The following SPIN1 variants were observed in gnomAD, a reference collection of about 807,000 sequenced individuals.
The protein encoded by SPIN1 is spindlin 1.
A neutral mutation model predicts 26.0 loss-of-function variants in SPIN1; 3 were observed. The ratio of observed to expected loss-of-function variants is 0.12; its 90% CI spans 0.05 to 0.30. The LOEUF (loss-of-function observed/expected upper bound fraction) is 0.30, where lower values mean the gene tolerates loss of function less well. Among genes scored for constraint, SPIN1 ranks in the 10% least tolerant of loss-of-function variants. SPIN1 has a pLI of 1.00. For missense variants in SPIN1, 126 were observed against 333.4 expected (o/e 0.38, Z 4.84); for synonymous variants, 101 against 116.5 (o/e 0.87, Z 0.86).
At chr9:88,442,896 C>T (rs1828165282) in intron 2 of SPIN1, among the ~76,000 whole-genome samples, 1 of 151,480 alleles carries the variant, frequency 6.6e-6, no homozygotes, top group Non-Finnish European at 1.5e-5. Flanking sequence ...CTGAGGCGGG[C>T]AAATCACGAG....
At chr9:88,420,146 C>T (rs951588775) in intron 1 of SPIN1, among the ~76,000 whole-genome samples, 29 of 152,166 alleles carry the variant, frequency 1.9e-4, no homozygotes, top group African/African-American at 6.5e-4. Flanking sequence ...GAGGCCGAGG[C>T]GGGTGGATCA....
chr9:88,401,415 A>G (rs993755140), intron 1 of SPIN1, among the ~76,000 whole-genome samples: 14 of 152,074 alleles, frequency 9.2e-5, no homozygotes, highest in African/African-American at 3.1e-4. Flanking sequence ...TCCAGGACCC[A>G]CACTCCGCCT....
intron 2 of SPIN1, among the ~76,000 whole-genome samples, chr9:88,430,158 A>T (rs1418202111): frequency 6.6e-6 from 1 of 152,224 alleles, no homozygotes; most frequent in Non-Finnish European, 1.5e-5. Flanking sequence ...CTCAGGCAGC[A>T]AGAAGCCCAG....
At chr9:88,448,157 C>G (rs1828287960) in intron 2 of SPIN1, among the ~76,000 whole-genome samples, 1 of 151,980 alleles carries the variant, frequency 6.6e-6, no homozygotes, top group African/African-American at 2.4e-5. Context: ...GATCTTCCCA[C>G]CTCAGCCTCC....
At chr9:88,436,754 CTTTTTTT>C (rs776223657) in intron 2 of SPIN1, among the ~76,000 whole-genome samples, 6 of 98,792 alleles carry the variant, frequency 6.1e-5, no homozygotes, top group Middle Eastern at 6.4e-3. Flanking sequence ...TCCTCTGTGT[CTTTTTTT>C]TTTTTTTTTT....
At chr9:88,434,931 A>C (rs1827969476) in intron 2 of SPIN1, among the ~76,000 whole-genome samples, 1 of 151,992 alleles carries the variant, frequency 6.6e-6, no homozygotes, top group Non-Finnish European at 1.5e-5. Flanking sequence ...GGGTGCCTGT[A>C]ATCCCCACTA....
chr9:88,456,145 C>T lies in SPIN1; in HGVS notation c.102-6351C>T, dbSNP rs551790413. ...TGGACTCACGGAACAATGGAAACTCCACATGGTAAGGCTTTGGACAGATAT... is the reference window on the plus strand; with the variant it reads ...TGGACTCACGGAACAATGGAAACTCTACATGGTAAGGCTTTGGACAGATAT... On this transcript the variant is annotated intron_variant, in intron 3 of 5. Transcript: ENST00000375859. Among the ~76,000 whole-genome samples the T allele has an allele frequency of 9.2e-5, 14 of 152,232 alleles. 1 individual carries two copies. The East Asian group carries it at 2.7e-3, about 29-fold the overall frequency.
At chr9:88,392,469 A>C (rs931230004) in intron 1 of SPIN1, among the ~76,000 whole-genome samples, 2 of 152,150 alleles carry the variant, frequency 1.3e-5, no homozygotes, top group Non-Finnish European at 2.9e-5. Flanking sequence ...TGGGAGAAGA[A>C]AGACATCTGG....
intron 1 of SPIN1, among the ~76,000 whole-genome samples, chr9:88,424,168 C>T (rs1322887668): frequency 2.0e-5 from 3 of 152,056 alleles, no homozygotes; most frequent in Non-Finnish European, 4.4e-5. Flanking sequence ...TTGAATGTGG[C>T]TCAGAGATAT....
intron 1 of SPIN1, chr9:88,410,877 A>G: frequency 1.0e-6 from 1 of 955,238 alleles, no homozygotes; most frequent in East Asian, 2.4e-5. Flanking sequence ...AGAATCACTT[A>G]GCTTCTTTGG....
intron 5 of SPIN1, among the ~76,000 whole-genome samples, chr9:88,474,342 G>T (rs1395927699): frequency 6.6e-6 from 1 of 152,078 alleles, no homozygotes; most frequent in Non-Finnish European, 1.5e-5. Context: ...TGCTGTTTCT[G>T]TGTGTTTTCT....
chr9:88,472,636 G>C (rs918287369), intron 5 of SPIN1, among the ~76,000 whole-genome samples: 1 of 152,148 alleles, frequency 6.6e-6, no homozygotes, highest in African/African-American at 2.4e-5. Flanking sequence ...GGGATTACAG[G>C]CACACGCCAC....
At chr9:88,392,976 C>T (rs900528779) in intron 1 of SPIN1, among the ~76,000 whole-genome samples, 1 of 152,072 alleles carries the variant, frequency 6.6e-6, no homozygotes, top group African/African-American at 2.4e-5. Context: ...CAGGATTGGA[C>T]CTGTGTTTTA....
intron 1 of SPIN1, chr9:88,415,623 TG>T (rs1465012588): frequency 6.6e-6 from 1 of 152,210 alleles, no homozygotes. Context: ...GGTCTTACTG[TG>T]TAGCCCAGGC....
At chr9:88,454,316 T>C (rs1262761009) in intron 3 of SPIN1, among the ~76,000 whole-genome samples, 1 of 152,234 alleles carries the variant, frequency 6.6e-6, no homozygotes, top group Admixed American at 6.5e-5. Context: ...TCATTTTAAA[T>C]CACATTTAAG....
At chr9:88,392,297 C>T (rs373406692) in intron 1 of SPIN1, among the ~76,000 whole-genome samples, 1 of 152,002 alleles carries the variant, frequency 6.6e-6, no homozygotes, top group African/African-American at 2.4e-5. Context: ...TTAAAATTGC[C>T]GTAAACCCTT....
chr9:88,440,626 T>G (rs1182691640), intron 2 of SPIN1, among the ~76,000 whole-genome samples: 1 of 149,768 alleles, frequency 6.7e-6, no homozygotes, highest in African/African-American at 2.5e-5. Flanking sequence ...TTGCCCAGGC[T>G]GGAGTGCAGT....
intron 3 of SPIN1, among the ~76,000 whole-genome samples, chr9:88,462,064 A>G (rs1828587685): frequency 6.6e-6 from 1 of 152,202 alleles, no homozygotes; most frequent in Admixed American, 6.5e-5. Flanking sequence ...TTTCTTTTTA[A>G]CTTGAAGTAG....
chr9:88,407,307 A>T (rs1044555979), intron 1 of SPIN1, among the ~76,000 whole-genome samples: 27 of 151,234 alleles, frequency 1.8e-4, no homozygotes, highest in African/African-American at 6.1e-4. Flanking sequence ...TGCTTGGCTA[A>T]TTTTTTTTGT....
Sources: gnomAD v4.1 joint callset for allele counts (sites outside exome capture counted in the v4.1 genomes callset) on GRCh38, gnomAD v4.1.1 for gene constraint, MANE v1.5 for transcripts, NCBI Gene and HGNC (gene_info 2026-07-23, HGNC 2026-07-21) for gene names.